Variants in ZNF415 observed in about 807,000 individuals in gnomAD.
ZNF415 encodes the protein zinc finger protein 415.
Under a neutral mutation model 7.3 loss-of-function variants are expected in ZNF415, and 5 were observed. The observed-to-expected ratio is 0.69, with a 90% CI of 0.36 to 1.44. The LOEUF is 1.44. Among genes scored for constraint, ZNF415 ranks in the 40% most tolerant of loss-of-function variants. The pLI, the probability that ZNF415 is intolerant of heterozygous loss-of-function variation, is 0.04. For synonymous variants in ZNF415, 207 were observed against 226.3 expected, an observed-to-expected ratio of 0.91 and a Z score of 0.77; for missense variants, 628 against 664.8, an observed-to-expected ratio of 0.94 and a Z score of 0.61.
intron 1 of ZNF415, among the ~76,000 whole-genome samples, chr19:53,131,187 C>A (rs942567264): frequency 1.3e-5 from 2 of 150,996 alleles, no homozygotes; most frequent in Non-Finnish European, 2.9e-5. Context: ...GATTGGACAC[C>A]CCTGCTTTAG....
intron 1 of ZNF415, among the ~76,000 whole-genome samples, chr19:53,130,205 A>G (rs1234204447): frequency 6.6e-6 from 1 of 152,230 alleles, no homozygotes; most frequent in Non-Finnish European, 1.5e-5. Context: ...AAATTACACA[A>G]AAGAAGAAAA....
At chr19:53,109,986 C>T (rs2085998023) in intron 3 of ZNF415, 78 bp from the exon 4 acceptor site, 4 of 1,186,476 alleles carry the variant, frequency 3.4e-6, no homozygotes, top group Non-Finnish European at 4.6e-6. Flanking sequence ...AACAGAATTA[C>T]ACAAAAAGCA....
intron 2 of ZNF415, chr19:53,122,368 T>C (rs891918623): frequency 2.6e-6 from 4 of 1,533,060 alleles, no homozygotes; most frequent in African/African-American, 2.7e-5. Context: ...GAACAATCCC[T>C]GCTGCCCAAC....
rs1308426809 is a variant in ZNF415, at chr19:53,108,107, TTG to T, written c.*268_*269del. On this transcript the variant is annotated 3_prime_UTR_variant, in exon 4 of 4. Transcript: ENST00000243643. Reference sequence around the variant, plus strand: ...TTTACACATTTTGATGTCTAGTGAGTTGTGAGACCTAAATGAAGCCTCTGCCA... The same window carrying T: ...TTTACACATTTTGATGTCTAGTGAGTTGAGACCTAAATGAAGCCTCTGCCA... The T allele has an allele frequency of 7.0e-6, 3 of 431,384 alleles. No homozygotes were observed. The highest frequency in any genetic ancestry group is 1.2e-5 in the Non-Finnish European group (3 of 245,546). The allele number at this position is 431,384 out of a possible 1,614,324, so 26.7% of individuals were successfully genotyped here. A position where few individuals can be genotyped will look rare whatever the true frequency, so the allele number is the denominator to read the frequency against.
intron 2 of ZNF415, among the ~76,000 whole-genome samples, chr19:53,119,945 G>A (rs2087713057): frequency 6.6e-6 from 1 of 151,940 alleles, no homozygotes; most frequent in Admixed American, 6.6e-5. Flanking sequence ...TGGCTTCACT[G>A]CCGAATTCTA....
intron 2 of ZNF415, among the ~76,000 whole-genome samples, chr19:53,122,037 T>G (rs3786523): frequency 0.65 from 98,186 of 151,598 alleles, 32,686 homozygotes; most frequent in East Asian, 0.79. Context: ...ACCTGAGGTC[T>G]GGAGTTCGAG....
At chr19:53,129,951 G>T (rs2089829344) in intron 1 of ZNF415, among the ~76,000 whole-genome samples, 1 of 151,892 alleles carries the variant, frequency 6.6e-6, no homozygotes, top group African/African-American at 2.4e-5. Flanking sequence ...TGTAATCCCA[G>T]CTACTCAGGA....
chr19:53,125,275 C>T (rs1232732459), intron 1 of ZNF415, among the ~76,000 whole-genome samples: 1 of 151,668 alleles, frequency 6.6e-6, no homozygotes, highest in East Asian at 1.9e-4. Flanking sequence ...ATCTCCTGAC[C>T]TCATGATCTG....
chr19:53,124,809 A>G (rs1217782281), intron 1 of ZNF415, among the ~76,000 whole-genome samples: 2 of 152,196 alleles, frequency 1.3e-5, no homozygotes, highest in Non-Finnish European at 2.9e-5. Flanking sequence ...AGCAAAAAGA[A>G]GAAAGAAAAT....
chr19:53,121,123 C>T (rs1449333837), intron 2 of ZNF415, among the ~76,000 whole-genome samples: 10 of 140,274 alleles, frequency 7.1e-5, no homozygotes, highest in African/African-American at 2.7e-4. Context: ...TGGCCGGGCA[C>T]AGTGGCTCCC....
At chr19:53,111,849 T>C (rs1036213007) in intron 3 of ZNF415, among the ~76,000 whole-genome samples, 2 of 152,224 alleles carry the variant, frequency 1.3e-5, no homozygotes, top group Admixed American at 6.5e-5. Flanking sequence ...ATAAACACAT[T>C]AGGCCCATGG....
intron 2 of ZNF415, among the ~76,000 whole-genome samples, chr19:53,119,671 G>GA (rs2087671969): frequency 6.6e-6 from 1 of 151,758 alleles, no homozygotes; most frequent in African/African-American, 2.4e-5. Flanking sequence ...CTACTAGCTA[G>GA]ATTAATCAAA....
At chr19:53,114,216 A>T (rs1271079938) in intron 3 of ZNF415, among the ~76,000 whole-genome samples, 1 of 152,076 alleles carries the variant, frequency 6.6e-6, no homozygotes, top group African/African-American at 2.4e-5. Context: ...TCACTCTGTT[A>T]CTCAGGCTGT....
chr19:53,111,883 T>A (rs1385477503), intron 3 of ZNF415, among the ~76,000 whole-genome samples: 3 of 152,154 alleles, frequency 2.0e-5, no homozygotes, highest in African/African-American at 7.2e-5. Context: ...AACCTAAATT[T>A]TCACAGAAAA....
chr19:53,121,491 G>A (rs1406958166), intron 2 of ZNF415, among the ~76,000 whole-genome samples: 4 of 151,976 alleles, frequency 2.6e-5, no homozygotes, highest in Middle Eastern at 3.2e-3. Context: ...GCAGTGGTGC[G>A]ATCTCCACTT....
Position 53,115,471 on chromosome 19 carries a change from T to C in ZNF415, c.136+842A>G. 3.6e-6 allele frequency: 2 copies of C among 548,616 alleles called. 1 individual carries two copies. The highest frequency in any genetic ancestry group is 4.3e-5 in the South Asian group (2 of 46,632). 34.0% of individuals were successfully genotyped at this position (548,616 alleles called of 1,614,324 possible). A position where few individuals can be genotyped will look rare whatever the true frequency, so the allele number is the denominator to read the frequency against. ...GGAAGTCAGAGGGCAATGCTGTCCA[T>C]CATGATGAGCACTTCCATTTGTCTC... On this transcript the variant is annotated intron_variant, in intron 3 of 3. Coordinates refer to ENST00000243643, the MANE Select transcript of ZNF415 (RefSeq NM_018355.4).
intron 1 of ZNF415, among the ~76,000 whole-genome samples, chr19:53,125,323 T>G (rs7251548): frequency 0.6 from 90,956 of 150,936 alleles, 28,721 homozygotes; most frequent in East Asian, 0.74. Flanking sequence ...ATTACAGGTG[T>G]GAGCCACCGC....
chr19:53,112,378 A>G (rs2086364131), intron 3 of ZNF415, among the ~76,000 whole-genome samples: 1 of 152,210 alleles, frequency 6.6e-6, no homozygotes, highest in African/African-American at 2.4e-5. Flanking sequence ...AGGAGCTACA[A>G]GAGCTGGGCT....
intron 1 of ZNF415, among the ~76,000 whole-genome samples, chr19:53,128,164 G>C (rs2089511959): frequency 6.6e-6 from 1 of 152,014 alleles, no homozygotes; most frequent in Non-Finnish European, 1.5e-5. Flanking sequence ...CATGCATGAA[G>C]AGCACACTAG....
Sources: gnomAD v4.1 joint callset for allele counts (sites outside exome capture counted in the v4.1 genomes callset) on GRCh38, gnomAD v4.1.1 for gene constraint, MANE v1.5 for transcripts, NCBI Gene and HGNC (gene_info 2026-07-23, HGNC 2026-07-21) for gene names.